Variants in ENOX1 observed in about 807,000 individuals in gnomAD.
ENOX1 encodes candidate growth-related and time keeping constitutive hydroquinone (NADH) oxidase.
In ENOX1, 42 loss-of-function variants were observed where a neutral mutation model predicts 82.5. The ratio of observed to expected loss-of-function variants is 0.51; its 90% CI spans 0.40 to 0.66. The LOEUF is 0.66. Among genes scored for constraint, ENOX1 ranks in the 30% least tolerant of loss-of-function variants. ENOX1 has a pLI of 0.00. For missense variants in ENOX1, 608 were observed against 811.6 expected, an observed-to-expected ratio of 0.75 and a Z score of 3.05; for synonymous variants, 271 against 282.2, an observed-to-expected ratio of 0.96 and a Z score of 0.40.
chr13:43,352,309 G>T (rs953040582), intron 8 of ENOX1, among the ~76,000 whole-genome samples: 4 of 152,202 alleles, frequency 2.6e-5, no homozygotes, highest in Non-Finnish European at 5.9e-5. Flanking sequence ...CAAAATGAAA[G>T]ATTATGTGAA....
intron 2 of ENOX1, among the ~76,000 whole-genome samples, chr13:43,582,787 G>T (rs2080807376): frequency 6.6e-6 from 1 of 152,018 alleles, no homozygotes; most frequent in African/African-American, 2.4e-5. Flanking sequence ...TGTTGCCTAG[G>T]CTAAAGACCT....
At chr13:43,481,929 CAGGGAAAT>C (rs1257044067) in intron 3 of ENOX1, among the ~76,000 whole-genome samples, 1 of 152,110 alleles carries the variant, frequency 6.6e-6, no homozygotes, top group Non-Finnish European at 1.5e-5. Context: ...CACTAATTAT[CAGGGAAAT>C]ACAAATCAAA....
At chr13:43,513,722 T>G (rs554682073) in intron 2 of ENOX1, among the ~76,000 whole-genome samples, 1 of 152,228 alleles carries the variant, frequency 6.6e-6, no homozygotes, top group African/African-American at 2.4e-5. Context: ...TTTATGAGAT[T>G]TATTATAATG....
At chr13:43,581,176 A>G (rs1423355395) in intron 2 of ENOX1, among the ~76,000 whole-genome samples, 1 of 112,328 alleles carries the variant, frequency 8.9e-6, no homozygotes, top group African/African-American at 3.5e-5. Context: ...TCTGTCGCCC[A>G]GGCTGGAGTG....
chr13:43,562,200 T>C (rs2079709752), intron 2 of ENOX1, among the ~76,000 whole-genome samples: 1 of 151,964 alleles, frequency 6.6e-6, no homozygotes, highest in African/African-American at 2.4e-5. Flanking sequence ...CAATAACATA[T>C]AAATAGAAAC....
At chr13:43,627,584 T>C (rs2083021137) in intron 2 of ENOX1, among the ~76,000 whole-genome samples, 1 of 152,078 alleles carries the variant, frequency 6.6e-6, no homozygotes, top group Non-Finnish European at 1.5e-5. Flanking sequence ...TCTGCATTTA[T>C]TTACAACCTA....
At chr13:43,222,843 C>A (rs141135078) in intron 16 of ENOX1, among the ~76,000 whole-genome samples, 30 of 152,230 alleles carry the variant, frequency 2.0e-4, no homozygotes, top group Non-Finnish European at 2.5e-4. Flanking sequence ...AACATGAATG[C>A]TTTCTCTTTC....
chr13:43,527,444 T>G (rs2078035410), intron 2 of ENOX1, among the ~76,000 whole-genome samples: 1 of 152,056 alleles, frequency 6.6e-6, no homozygotes, highest in Admixed American at 6.6e-5. Flanking sequence ...TTACAGACTT[T>G]CTCTCCCCTA....
At chr13:43,396,324 A>G (rs1337815998) in intron 5 of ENOX1, among the ~76,000 whole-genome samples, 1 of 152,148 alleles carries the variant, frequency 6.6e-6, no homozygotes, top group East Asian at 1.9e-4. Flanking sequence ...AGCTCTCTGC[A>G]TCCATTAAAG....
intron 1 of ENOX1, among the ~76,000 whole-genome samples, chr13:43,773,953 C>T (rs1323994130): frequency 1.3e-5 from 2 of 152,030 alleles, no homozygotes; most frequent in Admixed American, 6.6e-5. Context: ...GGCCTATAAT[C>T]GCAATATGAT....
intron 1 of ENOX1, among the ~76,000 whole-genome samples, chr13:43,710,540 T>C (rs993648002): frequency 6.6e-6 from 1 of 152,118 alleles, no homozygotes; most frequent in African/African-American, 2.4e-5. Context: ...CTACCTGCTA[T>C]CACTACTTCA....
intron 2 of ENOX1, among the ~76,000 whole-genome samples, chr13:43,586,551 T>C (rs9567218): frequency 0.13 from 19,318 of 152,228 alleles, 1,796 homozygotes; most frequent in East Asian, 0.48. Flanking sequence ...TTCATCTCTT[T>C]GTCTGCAGTG....
At chr13:43,781,423 C>T (rs1952249775) in intron 1 of ENOX1, among the ~76,000 whole-genome samples, 1 of 152,066 alleles carries the variant, frequency 6.6e-6, no homozygotes, top group South Asian at 2.1e-4. Flanking sequence ...ATGAATTCTT[C>T]CTATGCTGCT....
chr13:43,547,802 G>C (rs2153697827), intron 2 of ENOX1: 1 of 152,308 alleles, frequency 6.6e-6, no homozygotes, highest in South Asian at 2.1e-4. Context: ...GACCTCTTGA[G>C]AGGCTCTTCT....
intron 2 of ENOX1, among the ~76,000 whole-genome samples, chr13:43,649,972 C>G (rs1191021800): frequency 6.6e-6 from 1 of 152,190 alleles, no homozygotes; most frequent in Non-Finnish European, 1.5e-5. Flanking sequence ...TCCTCTCCTA[C>G]TCTCTTGAAC....
intron 3 of ENOX1, among the ~76,000 whole-genome samples, chr13:43,415,232 GTTTTTTT>G (rs71202260): frequency 9.2e-5 from 5 of 54,634 alleles, no homozygotes; most frequent in African/African-American, 3.0e-4. Flanking sequence ...CCAATCCAAT[GTTTTTTT>G]TTTTTTTTTT....
chr13:43,753,006 C>T (rs563264508), intron 1 of ENOX1, among the ~76,000 whole-genome samples: 14 of 151,864 alleles, frequency 9.2e-5, no homozygotes, highest in South Asian at 2.1e-4. Context: ...ATTACAGGCA[C>T]GCGCCACTAC....
intron 1 of ENOX1, among the ~76,000 whole-genome samples, chr13:43,744,570 C>G (rs1949920453): frequency 1.3e-5 from 2 of 152,140 alleles, no homozygotes; most frequent in Non-Finnish European, 2.9e-5. Context: ...ATGAACTACT[C>G]TAGGAACTGG....
At chr13:43,329,790 A>T (rs2048323502) in intron 9 of ENOX1, among the ~76,000 whole-genome samples, 1 of 152,194 alleles carries the variant, frequency 6.6e-6, no homozygotes, top group Non-Finnish European at 1.5e-5. Context: ...TCAGGTTTGG[A>T]AACCACTCTC....
Sources: gnomAD v4.1 joint callset for allele counts (sites outside exome capture counted in the v4.1 genomes callset) on GRCh38, gnomAD v4.1.1 for gene constraint, MANE v1.5 for transcripts, NCBI Gene and HGNC (gene_info 2026-07-23, HGNC 2026-07-21) for gene names.